ARHGAP28: variants seen among roughly 807,000 people sequenced by gnomAD.
ARHGAP28 encodes Rho GTPase activating protein 28.
ARHGAP28 carries 56 observed loss-of-function variants against 90.7 expected under a neutral mutation model. The ratio of observed to expected loss-of-function variants is 0.62; its 90% CI spans 0.50 to 0.77. The LOEUF is 0.77. Ranked by LOEUF, ARHGAP28 falls within the 30% of genes least tolerant of loss-of-function variation. ARHGAP28 has a pLI of 0.00. For missense variants in ARHGAP28, 869 were observed against 900.9 expected (o/e 0.96, Z 0.45); for synonymous variants, 308 against 323.3 (o/e 0.95, Z 0.51).
At chr18:6,815,558 T>C (rs1452284532) in intron 1 of ARHGAP28, among the ~76,000 whole-genome samples, 1 of 152,180 alleles carries the variant, frequency 6.6e-6, no homozygotes. Context: ...TCGCCACTGA[T>C]TAATATTAGA....
chr18:6,750,166 A>G (rs2056057714), intron 1 of ARHGAP28, among the ~76,000 whole-genome samples: 1 of 152,110 alleles, frequency 6.6e-6, no homozygotes, highest in Admixed American at 6.6e-5. Context: ...ACTATTCCAA[A>G]TGCTTTACAT....
intron 1 of ARHGAP28, among the ~76,000 whole-genome samples, chr18:6,759,743 A>T (rs541109986): frequency 2.0e-4 from 31 of 152,316 alleles, no homozygotes; most frequent in South Asian, 1.2e-3. Context: ...AATAACAGAG[A>T]AACTAGGCTC....
chr18:6,790,036 A>C (rs62082793), intron 1 of ARHGAP28: 29,289 of 151,844 alleles, frequency 0.19, 3,244 homozygotes, highest in African/African-American at 0.3. Context: ...ACGGGGTTTC[A>C]CCATGTTGGG....
intron 4 of ARHGAP28, among the ~76,000 whole-genome samples, chr18:6,852,061 T>C (rs576556698): frequency 1.3e-5 from 2 of 152,342 alleles, no homozygotes; most frequent in African/African-American, 2.4e-5. Flanking sequence ...ATTGCATATA[T>C]GGTATATCTC....
At chr18:6,875,980 G>A (rs1346435861) in intron 9 of ARHGAP28, 151 bp from the exon 10 acceptor site, 1 of 626,828 alleles carries the variant, frequency 1.6e-6, no homozygotes, top group East Asian at 2.8e-5. Flanking sequence ...TGACGTCATA[G>A]GATGGTTATG....
chr18:6,795,343 G>A (rs1179877347), intron 1 of ARHGAP28, among the ~76,000 whole-genome samples: 1 of 152,062 alleles, frequency 6.6e-6, no homozygotes, highest in Non-Finnish European at 1.5e-5. Context: ...CGAGATGGGA[G>A]GATATTCTAA....
At chr18:6,739,707 A>G (rs936151518) in intron 1 of ARHGAP28, among the ~76,000 whole-genome samples, 5 of 148,368 alleles carry the variant, frequency 3.4e-5, no homozygotes, top group African/African-American at 1.2e-4. Context: ...TAATCCTTTA[A>G]TCTTTAGGTT....
chr18:6,827,129 T>TC (rs1457711304), intron 2 of ARHGAP28, among the ~76,000 whole-genome samples: 4 of 152,196 alleles, frequency 2.6e-5, no homozygotes, highest in South Asian at 4.1e-4. Context: ...CTCAGTCTCT[T>TC]CCCCACCTTT....
At chr18:6,784,445 T>G (rs572690448) in intron 1 of ARHGAP28, among the ~76,000 whole-genome samples, 1 of 152,122 alleles carries the variant, frequency 6.6e-6, no homozygotes, top group African/African-American at 2.4e-5. Flanking sequence ...CCCACAACTT[T>G]TCTTGCTTCT....
At chr18:6,814,418 G>A (rs1472588975) in intron 1 of ARHGAP28, among the ~76,000 whole-genome samples, 1 of 152,158 alleles carries the variant, frequency 6.6e-6, no homozygotes. Flanking sequence ...TGGAGCTGAA[G>A]CGAGAAAACA....
chr18:6,863,942 C>T (rs535846222), intron 5 of ARHGAP28, among the ~76,000 whole-genome samples: 3 of 152,072 alleles, frequency 2.0e-5, no homozygotes, highest in African/African-American at 7.2e-5. Context: ...GCCACCACAC[C>T]CAGCTAATTT....
rs760443545 is a variant in ARHGAP28, at chr18:6,890,026, G to C, written c.1675G>C (p.Ala559Pro). 5 of 1,614,194 alleles carry C rather than the reference G, an allele frequency of 3.1e-6. No individual in the cohort carries two copies. The highest frequency in any genetic ancestry group is 4.2e-6 in the Non-Finnish European group (5 of 1,180,038). ...KHSDYEELLL[A>P]NTAAHIIRLM... is the part of the protein sequence containing the mutation. ...CTCTGATTATGAAGAATTACTGTTA[G>C]CAAACACTGCGGCCCACATCATCCG... The change falls in exon 13 of 18, where the codon GCA (alanine) becomes CCA (proline). Residue 559 changes from alanine to proline, a missense_variant. Ala to Pro is a conservative substitution (Grantham distance 27, BLOSUM62 -1). Coordinates refer to ENST00000383472, the MANE Select transcript of ARHGAP28 (RefSeq NM_001366230.1).
At chr18:6,889,800 CAG>C in intron 12 of ARHGAP28, 86 bp from the exon 13 acceptor site, 1 of 1,215,310 alleles carries the variant, frequency 8.2e-7, no homozygotes, top group South Asian at 1.3e-5. Flanking sequence ...TCTCTGGCAG[CAG>C]AGTGAATGGG....
intron 16 of ARHGAP28, chr18:6,896,938 G>A (rs1390328111): frequency 4.9e-5 from 9 of 185,080 alleles, no homozygotes; most frequent in Middle Eastern, 2.3e-3. Context: ...TTGAGATGGA[G>A]TTTCGCTCTT....
At chr18:6,821,648 G>T (rs1186175975) in intron 1 of ARHGAP28, among the ~76,000 whole-genome samples, 1 of 152,092 alleles carries the variant, frequency 6.6e-6, no homozygotes, top group Non-Finnish European at 1.5e-5. Context: ...CCCCAAAAAT[G>T]CTGTCTGACT....
rs796295230 is a variant in ARHGAP28, at chr18:6,875,871, G to A, written c.1213-260G>A. Reference sequence around the variant, plus strand: ...ATAATTTTAGAGTGGTTAAGAGCACGAACTTGAGTCAGTGCCGTTACTTAC... The same window carrying A: ...ATAATTTTAGAGTGGTTAAGAGCACAAACTTGAGTCAGTGCCGTTACTTAC... On this transcript the variant is annotated intron_variant, in intron 9 of 17. Transcript: ENST00000383472. 2.4e-4 allele frequency among the ~76,000 whole-genome samples: 37 copies of A among 152,296 alleles called. 1 individual carries two copies. Among genetic ancestry groups the A allele is most frequent in the African/African-American group, 8.9e-4 (37 of 41,568 alleles).
At chr18:6,794,967 G>A (rs961971621) in intron 1 of ARHGAP28, among the ~76,000 whole-genome samples, 5 of 152,158 alleles carry the variant, frequency 3.3e-5, no homozygotes, top group Non-Finnish European at 5.9e-5. Flanking sequence ...ACAGGTATGA[G>A]CCACCATGCC....
chr18:6,772,613 G>A (rs1284020306), intron 1 of ARHGAP28, among the ~76,000 whole-genome samples: 1 of 152,204 alleles, frequency 6.6e-6, no homozygotes, highest in Non-Finnish European at 1.5e-5. Context: ...GATAATGTAA[G>A]ATAATGAGCA....
chr18:6,898,551 A>G (rs1226599198), intron 16 of ARHGAP28: 12 of 1,613,740 alleles, frequency 7.4e-6, no homozygotes, highest in South Asian at 1.1e-5. Flanking sequence ...CCTCTTCACT[A>G]TTGGCCTGGA....
Sources: allele counts gnomAD v4.1 joint callset (sites outside exome capture counted in the v4.1 genomes callset), GRCh38; gene constraint gnomAD v4.1.1; transcripts MANE v1.5; gene names NCBI Gene and HGNC (gene_info 2026-07-23, HGNC 2026-07-21).